Variants in MCF2L2 observed in about 807,000 individuals in gnomAD.
The protein encoded by MCF2L2 is probable guanine nucleotide exchange factor MCF2L2.
In MCF2L2, 102 loss-of-function variants were observed where a neutral mutation model predicts 150.2. That is an observed-to-expected ratio of 0.68 (90% confidence interval 0.58 to 0.80). MCF2L2 has a LOEUF of 0.80. Among genes scored for constraint, MCF2L2 ranks in the 30% least tolerant of loss-of-function variants. The pLI, the probability that MCF2L2 is intolerant of heterozygous loss-of-function variation, is 0.00. For missense variants in MCF2L2, 1,256 were observed against 1,372.8 expected, an observed-to-expected ratio of 0.91 and a Z score of 1.34; for synonymous variants, 465 against 491.3, an observed-to-expected ratio of 0.95 and a Z score of 0.71.
chr3:183,231,647 T>C (rs1723565308), intron 15 of MCF2L2, among the ~76,000 whole-genome samples: 2 of 150,990 alleles, frequency 1.3e-5, no homozygotes, highest in Admixed American at 6.6e-5. Context: ...TTGGTAGAGA[T>C]GAGGTCTTGC....
chr3:183,322,319 G>A (rs58864656), intron 6 of MCF2L2, among the ~76,000 whole-genome samples: 8,553 of 152,188 alleles, frequency 0.056, 288 homozygotes, highest in East Asian at 0.14. Context: ...GGAGGCTTTC[G>A]TTAGTCCGGG....
Position 183,206,113 on chromosome 3 carries a change from G to A in MCF2L2, c.2805+9C>T. On this transcript the variant is annotated intron_variant, in intron 24 of 29. Coordinates refer to ENST00000328913, the MANE Select transcript of MCF2L2 (RefSeq NM_015078.4). ...TAGAGGAGACCCATGGGGAAGGCAT[G>A]AGCGTTACCTGCAGGATGTATTTCT... is the stretch of plus-strand genomic sequence containing the variant. 1 of 1,612,756 alleles carries A rather than the reference G, an allele frequency of 6.2e-7. No homozygotes were observed. The highest frequency in any genetic ancestry group is 1.7e-4 in the Middle Eastern group (1 of 6,060).
rs1721445162 is a variant in MCF2L2, at chr3:183,179,615, G to A, written c.3183C>T (p.Ser1061=). ...CGCGTTCTTCTTTTTCTCCCTGGCT[G>A]CTTTCTCCCCTCTCCAGGAAAGCAG... ...SKSAFLERGE[S]SQGEKEERDE... is the part of the protein sequence containing the mutation. The change falls in exon 29 of 30, where the codon AGC becomes AGT. Residue 1061 remains serine, a synonymous_variant. Coordinates refer to ENST00000328913, the MANE Select transcript of MCF2L2 (RefSeq NM_015078.4). This position sits in a 1 kb window ranked among gnomAD's most constrained non-coding sequence, Gnocchi z 4.2. The A allele has an allele frequency of 2.5e-6, 4 of 1,613,982 alleles. No homozygotes were observed. Among genetic ancestry groups the A allele is most frequent in the Non-Finnish European group, 3.4e-6 (4 of 1,179,980 alleles).
intron 3 of MCF2L2, among the ~76,000 whole-genome samples, chr3:183,342,125 T>C (rs936083595): frequency 1.3e-5 from 2 of 152,194 alleles, no homozygotes; most frequent in South Asian, 4.1e-4. Flanking sequence ...TGGCTATAAA[T>C]AGGCCAATAG....
At position 183,224,298 on chromosome 3, in the gene MCF2L2, T is replaced by C. The variant is rs1560352110; in HGVS notation, c.2116-108A>G. 6 of 722,892 alleles carry C rather than the reference T, an allele frequency of 8.3e-6. No individual in the cohort carries two copies. In the East Asian group the frequency reaches 1.6e-4, roughly 19 times the overall value. 44.8% of individuals were successfully genotyped at this position (722,892 alleles called of 1,614,324 possible). A position where few individuals can be genotyped will look rare whatever the true frequency, so the allele number is the denominator to read the frequency against. ...CAACAAGCCAGAGTATTCTAATGTG[T>C]AAGGAATTGGGGGTGTACAGTAAGT... On this transcript the variant is annotated intron_variant, in intron 18 of 29. Coordinates refer to ENST00000328913, the MANE Select transcript of MCF2L2 (RefSeq NM_015078.4).
At chr3:183,407,475 A>C (rs1715101763) in intron 1 of MCF2L2, among the ~76,000 whole-genome samples, 2 of 152,246 alleles carry the variant, frequency 1.3e-5, no homozygotes, top group Admixed American at 1.3e-4. Context: ...CAAACCTTAA[A>C]TATGGATGAT....
intron 1 of MCF2L2, among the ~76,000 whole-genome samples, chr3:183,409,705 T>C (rs1715226158): frequency 6.6e-6 from 1 of 151,828 alleles, no homozygotes; most frequent in Non-Finnish European, 1.5e-5. Context: ...CAGGTGCCCA[T>C]GACCATGCCT....
intron 25 of MCF2L2, among the ~76,000 whole-genome samples, chr3:183,201,111 C>CT (rs1190496520): frequency 1.3e-5 from 2 of 152,156 alleles, no homozygotes; most frequent in African/African-American, 4.8e-5. Flanking sequence ...AATGCAAGCT[C>CT]TTTTTTGGTT....
At chr3:183,295,961 T>C (rs764211907) in intron 12 of MCF2L2, among the ~76,000 whole-genome samples, 10 of 152,044 alleles carry the variant, frequency 6.6e-5, no homozygotes, top group Admixed American at 2.6e-4. Context: ...ATCTCAGAAA[T>C]AAACAAACAA....
chr3:183,226,494 C>T (rs4859159), intron 18 of MCF2L2: 140,119 of 152,266 alleles, frequency 0.92, 64,838 homozygotes, highest in East Asian at 1. Context: ...TCATAAATCA[C>T]ATAGGGCTAA....
At chr3:183,260,261 G>A (rs1012125009) in intron 15 of MCF2L2, among the ~76,000 whole-genome samples, 2 of 152,098 alleles carry the variant, frequency 1.3e-5, no homozygotes, top group Non-Finnish European at 2.9e-5. Flanking sequence ...TACCACATTC[G>A]TAAGGCATTT....
chr3:183,413,865 G>A (rs1197076448), intron 1 of MCF2L2, among the ~76,000 whole-genome samples: 3 of 152,084 alleles, frequency 2.0e-5, no homozygotes, highest in Admixed American at 1.3e-4. Flanking sequence ...CTTTATCCTC[G>A]TTGTCTTCAC....
chr3:183,216,572 ATATATATATTTTTTTTTTTT>A lies in MCF2L2; in HGVS notation c.2371-498_2371-479del, dbSNP rs1225573999. On this transcript the variant is annotated intron_variant, in intron 21 of 29. Transcript: ENST00000328913. ...ATATATTATATATATATATATATATATATATATATTTTTTTTTTTTTTTTTTTTTTTTTTTTTTTTTTTTG... is the reference window on the plus strand; with the variant it reads ...ATATATTATATATATATATATATATATTTTTTTTTTTTTTTTTTTTTTTTG... 4.3e-3 allele frequency among the ~76,000 whole-genome samples: 81 copies of A among 19,050 alleles called. 6 individuals are homozygous for A. Among genetic ancestry groups the A allele is most frequent in the South Asian group, 0.011 (10 of 934 alleles). The allele number at this position is 19,050 out of a possible 152,430, so 12.5% of individuals were successfully genotyped here.
chr3:183,240,555 T>G (rs867902032), intron 15 of MCF2L2, among the ~76,000 whole-genome samples: 17 of 152,336 alleles, frequency 1.1e-4, no homozygotes, highest in Middle Eastern at 3.4e-3. Context: ...TCATTCTCTC[T>G]TCAAGAACTT....
intron 1 of MCF2L2, among the ~76,000 whole-genome samples, chr3:183,427,165 G>A (rs1465811182): frequency 6.6e-6 from 1 of 152,212 alleles, no homozygotes; most frequent in African/African-American, 2.4e-5. Context: ...GTCCAGGGAA[G>A]GCCAAGGGGA....
intron 1 of MCF2L2, among the ~76,000 whole-genome samples, chr3:183,408,765 G>A (rs989375390): frequency 2.0e-5 from 3 of 152,206 alleles, no homozygotes; most frequent in Admixed American, 6.5e-5. Context: ...GACAGGTTCA[G>A]TTCAAATAAC....
intron 3 of MCF2L2, among the ~76,000 whole-genome samples, chr3:183,361,881 G>A (rs1345430039): frequency 1.3e-5 from 2 of 152,156 alleles, no homozygotes; most frequent in African/African-American, 4.8e-5. Context: ...GTCCACATGG[G>A]TGGCTGAGAG....
At chr3:183,280,845 CAAAAAAA>C (rs201596744) in intron 14 of MCF2L2, among the ~76,000 whole-genome samples, 1 of 69,436 alleles carries the variant, frequency 1.4e-5, no homozygotes, top group African/African-American at 4.8e-5. Flanking sequence ...GAGTCTCTGT[CAAAAAAA>C]AAAAAAAAAA....
At chr3:183,419,942 T>C (rs868416134) in intron 1 of MCF2L2, among the ~76,000 whole-genome samples, 13 of 152,330 alleles carry the variant, frequency 8.5e-5, no homozygotes, top group Non-Finnish European at 1.3e-4. Context: ...ATCATCTCTC[T>C]CAAGTTCAAA....
Sources: gnomAD v4.1 joint callset for allele counts (sites outside exome capture counted in the v4.1 genomes callset) on GRCh38, gnomAD v4.1.1 for gene constraint, Gnocchi (gnomAD v3.1) non-coding constraint, MANE v1.5 for transcripts, NCBI Gene and HGNC (gene_info 2026-07-23, HGNC 2026-07-21) for gene names.